Variants in MEF2C observed in about 807,000 individuals in gnomAD.
The protein encoded by MEF2C is myocyte enhancer factor 2C.
In MEF2C, 6 loss-of-function variants were observed where a neutral mutation model predicts 50.5. That is an observed-to-expected ratio of 0.12 (90% CI 0.07 to 0.23). MEF2C has a LOEUF of 0.23. MEF2C is among the 10% of genes least tolerant of loss of function. The pLI, the probability that MEF2C is intolerant of heterozygous loss-of-function variation, is 1.00. For missense variants in MEF2C, 276 were observed against 605.0 expected (o/e 0.46, Z 5.70); for synonymous variants, 183 against 228.0 (o/e 0.80, Z 1.78).
rs966833523 is a variant in MEF2C at position 88,723,817 on chromosome 5, T to C, written c.1101-892A>G. On this transcript the variant is annotated intron_variant, in intron 10 of 10. Transcript: ENST00000504921. ...AAGCTTGTTGCCAAGAAGGATGTAGTGTGATTTTACTGTGTTTATAATCCT... is the reference window on the plus strand; with the variant it reads ...AAGCTTGTTGCCAAGAAGGATGTAGCGTGATTTTACTGTGTTTATAATCCT... Among the ~76,000 whole-genome samples the C allele has an allele frequency of 3.9e-5, 6 of 152,358 alleles. No individual in the cohort carries two copies. The South Asian group carries it at 1.2e-3, about 32-fold the overall frequency.
At chr5:88,838,896 T>C (rs1816206390) in intron 1 of MEF2C, among the ~76,000 whole-genome samples, 1 of 152,170 alleles carries the variant, frequency 6.6e-6, no homozygotes, top group South Asian at 2.1e-4. Context: ...AATTGTGCAA[T>C]TCAAGCTCTT....
chr5:88,806,160 T>C (rs1484303538), intron 2 of MEF2C, among the ~76,000 whole-genome samples: 1 of 152,130 alleles, frequency 6.6e-6, no homozygotes, highest in Non-Finnish European at 1.5e-5. Context: ...TTGAGGCACA[T>C]ATTCTGGGAA....
chr5:88,781,558 CTG>C (rs1788042093), intron 3 of MEF2C, among the ~76,000 whole-genome samples: 1 of 152,228 alleles, frequency 6.6e-6, no homozygotes, highest in African/African-American at 2.4e-5. Context: ...CAGCACCACA[CTG>C]TCTTTTTTAT....
chr5:88,781,724 C>A (rs1205020524), intron 3 of MEF2C, among the ~76,000 whole-genome samples: 1 of 152,000 alleles, frequency 6.6e-6, no homozygotes, highest in Non-Finnish European at 1.5e-5. Flanking sequence ...GTAATCTCAG[C>A]ACTTTGGGAA....
chr5:88,775,843 G>A (rs1784501750), intron 3 of MEF2C: 1 of 981,070 alleles, frequency 1.0e-6, no homozygotes, highest in South Asian at 4.7e-5. Flanking sequence ...GTATTTTTGT[G>A]TGTGTGATTT....
At chr5:88,830,822 A>G (rs1465996981) in intron 1 of MEF2C, among the ~76,000 whole-genome samples, 1 of 152,124 alleles carries the variant, frequency 6.6e-6, no homozygotes, top group Non-Finnish European at 1.5e-5. Flanking sequence ...GTCTTATGAC[A>G]AAGCAAGAGC....
At chr5:88,787,977 C>T (rs1214591218) in intron 3 of MEF2C, among the ~76,000 whole-genome samples, 1 of 152,092 alleles carries the variant, frequency 6.6e-6, no homozygotes, top group African/African-American at 2.4e-5. Flanking sequence ...TATTCTGTTC[C>T]TTGGAGTAAA....
At chr5:88,769,906 A>G in intron 3 of MEF2C, 1 of 949,038 alleles carries the variant, frequency 1.1e-6, no homozygotes, top group Non-Finnish European at 1.3e-6. Context: ...TAAGCCTCCT[A>G]AAGTGCTAGG....
intron 2 of MEF2C, among the ~76,000 whole-genome samples, chr5:88,817,617 T>G (rs992032731): frequency 3.3e-5 from 5 of 152,004 alleles, no homozygotes; most frequent in Non-Finnish European, 7.4e-5. Context: ...GTTATTGCAC[T>G]GATAATTACA....
chr5:88,873,571 C>T (rs1830163169), intron 1 of MEF2C, among the ~76,000 whole-genome samples: 1 of 151,892 alleles, frequency 6.6e-6, no homozygotes, highest in African/African-American at 2.4e-5. Flanking sequence ...ACATAACGCT[C>T]ACTCTAAATC....
chr5:88,736,858 T>C (rs1764341259), intron 6 of MEF2C: 1 of 985,306 alleles, frequency 1.0e-6, no homozygotes, highest in African/African-American at 1.7e-5. Context: ...TGCAAATCTT[T>C]GCTCTAGCAG....
intron 1 of MEF2C, among the ~76,000 whole-genome samples, chr5:88,864,988 G>T (rs936991435): frequency 1.3e-5 from 2 of 151,754 alleles, no homozygotes; most frequent in Non-Finnish European, 2.9e-5. Flanking sequence ...GGCTGGCCTC[G>T]AACTCCTGAC....
chr5:88,725,254 A>G (rs1758171496), intron 10 of MEF2C, among the ~76,000 whole-genome samples: 1 of 152,098 alleles, frequency 6.6e-6, no homozygotes, highest in African/African-American at 2.4e-5. Flanking sequence ...CTTTTGGTGG[A>G]ATTTCATTTG....
At chr5:88,903,220 C>T (rs1223787099) in intron 1 of MEF2C, among the ~76,000 whole-genome samples, 2 of 151,744 alleles carry the variant, frequency 1.3e-5, no homozygotes, top group East Asian at 3.9e-4. Flanking sequence ...GATGTAAAAA[C>T]ATGCTTTAAT....
Position 88,878,477 on chromosome 5 carries a change from G to A in MEF2C, c.-143+4478C>T, listed in dbSNP as rs561631488. On this transcript the variant is annotated intron_variant, in intron 1 of 10. Coordinates refer to ENST00000504921, the MANE Select transcript of MEF2C (RefSeq NM_002397.5). ...CAGGTCTACGCTTACCATCCTAATG[G>A]CAGAAAACTCACACCAAAGTTGGCA... Among the ~76,000 whole-genome samples, 7 of 152,068 alleles carry A rather than the reference G, an allele frequency of 4.6e-5. No individual in the cohort carries two copies. In the South Asian group the frequency reaches 1.5e-3, roughly 32 times the overall value.
intron 3 of MEF2C, 35 bp from the exon 4 acceptor site, chr5:88,761,363 C>A: frequency 1.9e-6 from 3 of 1,595,882 alleles, no homozygotes; most frequent in Non-Finnish European, 2.6e-6. Flanking sequence ...CAAACCTAGA[C>A]AAAGGCTGTA....
chr5:88,816,622 G>C (rs1033892975), intron 2 of MEF2C, among the ~76,000 whole-genome samples: 1 of 151,574 alleles, frequency 6.6e-6, no homozygotes, highest in African/African-American at 2.4e-5. Context: ...ATTAATAAAA[G>C]AATGATTTAA....
rs982461277 is a variant in MEF2C at position 88,741,180 on chromosome 5, C to T, written c.637+7890G>A. 9 of 985,306 alleles carry T rather than the reference C, an allele frequency of 9.1e-6. No homozygotes were observed. In the Admixed American group the frequency reaches 1.8e-4, roughly 20 times the overall value. 61.0% of individuals were successfully genotyped at this position (985,306 alleles called of 1,614,324 possible). On this transcript the variant is annotated intron_variant, in intron 6 of 10. Transcript: ENST00000504921. Reference sequence around the variant, plus strand: ...GTGAAGCCTACTGGTGTGCTCCCTTCACCACACATTTCATAAATACTACTG... The same window carrying T: ...GTGAAGCCTACTGGTGTGCTCCCTTTACCACACATTTCATAAATACTACTG...
chr5:88,836,043 T>C (rs1239746967), intron 1 of MEF2C, among the ~76,000 whole-genome samples: 1 of 152,104 alleles, frequency 6.6e-6, no homozygotes, highest in Non-Finnish European at 1.5e-5. Flanking sequence ...GATTCTCTAT[T>C]CCAAACCATT....
Sources: gnomAD v4.1 joint callset for allele counts (sites outside exome capture counted in the v4.1 genomes callset) on GRCh38, gnomAD v4.1.1 for gene constraint, MANE v1.5 for transcripts, NCBI Gene and HGNC (gene_info 2026-07-23, HGNC 2026-07-21) for gene names.